Variants in PRP4K observed in about 807,000 individuals in gnomAD.
PRP4K encodes serine/threonine-protein kinase PRP4 homolog.
At chr6:4,047,901 T>TACACACACACACAC in the PRP4K span, among the ~76,000 whole-genome samples, 26 of 142,002 alleles carry the variant, frequency 1.8e-4, no homozygotes, top group African/African-American at 6.6e-4. Flanking sequence ...CATGTATATG[T>TACACACACACACAC]ACACACACAC....
chr6:4,040,688 A>T, the PRP4K span: 1 of 1,353,406 alleles, frequency 7.4e-7, no homozygotes, highest in African/African-American at 1.5e-5. Context: ...TAGAATTTCT[A>T]TATATCCCCT....
chr6:4,034,658 T>C, the PRP4K span, among the ~76,000 whole-genome samples: 72 of 152,244 alleles, frequency 4.7e-4, no homozygotes, highest in African/African-American at 1.6e-3. Context: ...TCGAAATTTC[T>C]TAGGTGACTA....
chr6:4,034,189 A>G, the PRP4K span, among the ~76,000 whole-genome samples: 7 of 151,622 alleles, frequency 4.6e-5, no homozygotes, highest in East Asian at 1.4e-3. Flanking sequence ...GAGTCATATT[A>G]TTCATATTCA....
At chr6:4,054,576 G>A in the PRP4K span, among the ~76,000 whole-genome samples, 4 of 151,966 alleles carry the variant, frequency 2.6e-5, no homozygotes, top group African/African-American at 7.3e-5. Context: ...GCGTGATCTC[G>A]GCTCACTGCA....
chr6:4,033,540 CT>C, the PRP4K span, among the ~76,000 whole-genome samples: 1 of 152,042 alleles, frequency 6.6e-6, no homozygotes, highest in Non-Finnish European at 1.5e-5. Context: ...ACTTAAACTA[CT>C]TTAGAAACAG....
At chr6:4,042,371 GGACTTAA>G in the PRP4K span, 1 of 720,270 alleles carries the variant, frequency 1.4e-6, no homozygotes, top group Admixed American at 3.5e-5. Context: ...AAAAGTAATA[GGACTTAA>G]GACTTTTGCT....
chr6:4,029,175 T>C, the PRP4K span, among the ~76,000 whole-genome samples: 1 of 150,488 alleles, frequency 6.6e-6, no homozygotes. Flanking sequence ...TGCACCACCA[T>C]GCCTGGCTCC....
chr6:4,042,412 T>C, the PRP4K span: 1 of 1,155,130 alleles, frequency 8.7e-7, no homozygotes, highest in Non-Finnish European at 1.3e-6. Flanking sequence ...ACCTACATTT[T>C]CCTGCCTTTA....
At chr6:4,042,029 C>G in the PRP4K span, among the ~76,000 whole-genome samples, 1 of 152,192 alleles carries the variant, frequency 6.6e-6, no homozygotes, top group Non-Finnish European at 1.5e-5. Context: ...CATTCCCCTT[C>G]AGATTATATG....
chr6:4,021,470 A>G, the PRP4K span: 4 of 1,581,250 alleles, frequency 2.5e-6, no homozygotes, highest in East Asian at 4.6e-5. Flanking sequence ...AGCCAGAGTA[A>G]GTAGTCTCTG....
chr6:4,049,921 A>G, the PRP4K span: 1 of 1,585,178 alleles, frequency 6.3e-7, no homozygotes, highest in Non-Finnish European at 8.6e-7. Context: ...CAGTACGGAT[A>G]CTTACAGAAG....
the PRP4K span, chr6:4,037,646 T>C: frequency 7.1e-7 from 1 of 1,401,994 alleles, no homozygotes; most frequent in Admixed American, 2.4e-5. Flanking sequence ...TTGGTAGGTT[T>C]TCTTTTAGAC....
chr6:4,057,678 A>G, the PRP4K span, among the ~76,000 whole-genome samples: 2 of 151,930 alleles, frequency 1.3e-5, no homozygotes, highest in East Asian at 1.9e-4. Context: ...TACTTCAGCT[A>G]TAATGCTAGT....
the PRP4K span, among the ~76,000 whole-genome samples, chr6:4,024,576 A>T: frequency 1.3e-5 from 2 of 152,186 alleles, no homozygotes; most frequent in African/African-American, 2.4e-5. Flanking sequence ...TGAAAGAAGA[A>T]GTTAAAATAA....
the PRP4K span, among the ~76,000 whole-genome samples, chr6:4,029,012 C>CTTTTTTTTTTTTTTTT: frequency 7.0e-3 from 932 of 132,236 alleles, 64 homozygotes; most frequent in Non-Finnish European, 0.01. Context: ...TACTTGGAAT[C>CTTTTTTTTTTTTTTTT]TTTTTTTTTT....
the PRP4K span, among the ~76,000 whole-genome samples, chr6:4,039,857 C>T: frequency 6.8e-6 from 1 of 147,756 alleles, no homozygotes; most frequent in Non-Finnish European, 1.5e-5. Context: ...CCTTCCCCTC[C>T]GATCTTTCTC....
chr6:4,030,263 G>A, the PRP4K span, among the ~76,000 whole-genome samples: 3 of 152,058 alleles, frequency 2.0e-5, no homozygotes, highest in East Asian at 1.9e-4. Context: ...TTTTCCTGCC[G>A]CGTGGCTTAA....
chr6:4,022,262 A>G, the PRP4K span, among the ~76,000 whole-genome samples: 14 of 145,438 alleles, frequency 9.6e-5, no homozygotes, highest in Admixed American at 8.6e-4. Flanking sequence ...TTATGTCTAT[A>G]ATTAAGCTAA....
the PRP4K span, among the ~76,000 whole-genome samples, chr6:4,046,815 G>C: frequency 3.9e-5 from 6 of 152,100 alleles, 1 homozygote; most frequent in African/African-American, 1.2e-4. Context: ...CTGCCACCAT[G>C]CCCGACTAAT....
Sources: allele counts gnomAD v4.1 joint callset (sites outside exome capture counted in the v4.1 genomes callset), GRCh38; gene constraint gnomAD v4.1.1; transcripts MANE v1.5; gene names NCBI Gene and HGNC (gene_info 2026-07-23, HGNC 2026-07-21).